Variants in PCDH15 observed in about 807,000 individuals in gnomAD.
PCDH15 encodes protocadherin related 15, also known as protocadherin-15.
A neutral mutation model predicts 178.5 loss-of-function variants in PCDH15; 129 were observed. The ratio of observed to expected loss-of-function variants is 0.72; its 90% CI spans 0.63 to 0.84. PCDH15 has a LOEUF of 0.84. Ranked by LOEUF, PCDH15 falls within the 40% of genes least tolerant of loss-of-function variation. The pLI is 0.00. For missense variants in PCDH15, 2,230 were observed against 2,099.9 expected, an observed-to-expected ratio of 1.06 and a Z score of -1.21; for synonymous variants, 800 against 732.0, an observed-to-expected ratio of 1.09 and a Z score of -1.50.
At chr10:55,408,816 T>A (rs1263738576) in intron 2 of PCDH15, among the ~76,000 whole-genome samples, 3 of 152,100 alleles carry the variant, frequency 2.0e-5, no homozygotes, top group African/African-American at 7.2e-5. Flanking sequence ...ATCACTTCAC[T>A]AAAGCTCATC....
At chr10:53,960,840 T>C (rs1227199914) in intron 22 of PCDH15, among the ~76,000 whole-genome samples, 4 of 152,204 alleles carry the variant, frequency 2.6e-5, no homozygotes, top group Admixed American at 2.6e-4. Flanking sequence ...ATTTCCCTAC[T>C]GTAGAGTCAA....
chr10:54,618,451 T>C (rs1288559375), intron 2 of PCDH15, among the ~76,000 whole-genome samples: 1 of 152,136 alleles, frequency 6.6e-6, no homozygotes, highest in Non-Finnish European at 1.5e-5. Flanking sequence ...TACATGATTA[T>C]GAAGCTGTGT....
intron 2 of PCDH15, among the ~76,000 whole-genome samples, chr10:55,019,090 T>C (rs1840259972): frequency 6.6e-6 from 1 of 152,128 alleles, no homozygotes; most frequent in South Asian, 2.1e-4. Flanking sequence ...ATGCTCTAAA[T>C]CTTTTTTTAT....
At chr10:54,898,028 G>A (rs996082711) in intron 2 of PCDH15, among the ~76,000 whole-genome samples, 17 of 152,112 alleles carry the variant, frequency 1.1e-4, no homozygotes, top group African/African-American at 4.1e-4. Flanking sequence ...GGGCCTGATG[G>A]GAGGTATTTG....
At chr10:55,537,419 G>T (rs936114074) in intron 2 of PCDH15, among the ~76,000 whole-genome samples, 2 of 139,544 alleles carry the variant, frequency 1.4e-5, no homozygotes, top group African/African-American at 5.0e-5. Context: ...ATTTATGTAT[G>T]TATGTATGTA....
chr10:54,485,059 A>G (rs985892711), intron 3 of PCDH15, among the ~76,000 whole-genome samples: 69 of 152,022 alleles, frequency 4.5e-4, no homozygotes, highest in African/African-American at 1.6e-3. Flanking sequence ...AAGCAACTAC[A>G]TAAGGCTGAA....
At chr10:54,318,909 G>T (rs775752937) in intron 7 of PCDH15, among the ~76,000 whole-genome samples, 2 of 152,036 alleles carry the variant, frequency 1.3e-5, no homozygotes, top group Non-Finnish European at 2.9e-5. Context: ...CCTCTTTCTT[G>T]TTTCCCTTTC....
chr10:54,522,009 A>G (rs1409508245), intron 3 of PCDH15, among the ~76,000 whole-genome samples: 2 of 147,946 alleles, frequency 1.4e-5, no homozygotes, highest in Non-Finnish European at 3.0e-5. Context: ...AATGGCGTGA[A>G]CCTGGGAGGC....
Position 53,827,381 on chromosome 10 carries a change from C to T in PCDH15, c.4367+12G>A, listed in dbSNP as rs777826097. 8 of 1,600,168 alleles carry T rather than the reference C, an allele frequency of 5.0e-6. No individual in the cohort carries two copies. Among genetic ancestry groups the T allele is most frequent in the African/African-American group, 1.3e-5 (1 of 74,494 alleles). Reference sequence around the variant, plus strand: ...CCAACTACTTCTCAGAGTTCCTGAACGGTCTACTTACATTGAGCTGTCTCC... The same window carrying T: ...CCAACTACTTCTCAGAGTTCCTGAATGGTCTACTTACATTGAGCTGTCTCC... On this transcript the variant is annotated intron_variant, in intron 32 of 37. Coordinates refer to ENST00000644397, the MANE Select transcript of PCDH15 (RefSeq NM_001384140.1).
chr10:55,056,365 C>A (rs1841303339), intron 2 of PCDH15, among the ~76,000 whole-genome samples: 1 of 152,068 alleles, frequency 6.6e-6, no homozygotes, highest in African/African-American at 2.4e-5. Context: ...TCCAGCCAAA[C>A]AAGTCTTTTT....
intron 13 of PCDH15, among the ~76,000 whole-genome samples, chr10:54,154,712 C>T (rs1253216198): frequency 6.6e-6 from 1 of 152,056 alleles, no homozygotes; most frequent in East Asian, 1.9e-4. Context: ...TGTCCATAGA[C>T]ATAGCAGCAA....
rs1452128863 is a variant in PCDH15 at position 54,855,287 on chromosome 10, C to G, written c.-29+42163G>C. On this transcript the variant is annotated intron_variant, in intron 3 of 5. Coordinates refer to the PCDH15 transcript ENST00000458638. ...AGGTCTGCAGCTATGATGTGGGTAT[C>G]TGCAGCTGCATCCAGGAGGATGGGA... 2.0e-5 allele frequency among the ~76,000 whole-genome samples: 3 copies of G among 152,302 alleles called. No homozygotes were observed. The East Asian group carries it at 5.8e-4, about 30-fold the overall frequency.
chr10:54,358,589 G>C (rs568934350), intron 5 of PCDH15, among the ~76,000 whole-genome samples: 2 of 151,286 alleles, frequency 1.3e-5, no homozygotes, highest in East Asian at 3.9e-4. Flanking sequence ...CAACCATTGT[G>C]GAAGTCAGTG....
intron 3 of PCDH15, among the ~76,000 whole-genome samples, chr10:54,402,813 T>A (rs1307032898): frequency 6.6e-6 from 1 of 151,940 alleles, no homozygotes; most frequent in South Asian, 2.1e-4. Flanking sequence ...TCTTTCTCCA[T>A]CTCTTCAGGC....
At chr10:54,246,780 A>G (rs2055980077) in intron 8 of PCDH15, among the ~76,000 whole-genome samples, 2 of 151,978 alleles carry the variant, frequency 1.3e-5, no homozygotes, top group East Asian at 1.9e-4. Context: ...TTTACATTCT[A>G]TCACAGAGTA....
At chr10:54,183,173 G>C (rs113849089) in intron 13 of PCDH15, among the ~76,000 whole-genome samples, 20 of 152,218 alleles carry the variant, frequency 1.3e-4, no homozygotes, top group Non-Finnish European at 8.8e-5. Flanking sequence ...TAGAGACAGC[G>C]TTGGTCAGGC....
chr10:55,068,084 T>A (rs900896336), intron 2 of PCDH15, among the ~76,000 whole-genome samples: 1 of 152,134 alleles, frequency 6.6e-6, no homozygotes, highest in Non-Finnish European at 1.5e-5. Flanking sequence ...CTTTTTACTG[T>A]AATGTAGTGC....
At chr10:54,935,225 TATA>T (rs950771876) in intron 2 of PCDH15, among the ~76,000 whole-genome samples, 7 of 151,974 alleles carry the variant, frequency 4.6e-5, no homozygotes, top group East Asian at 1.9e-4. Flanking sequence ...AAACTTAAAG[TATA>T]ATAATAATAA....
chr10:53,990,265 A>G (rs1434270482), intron 21 of PCDH15, among the ~76,000 whole-genome samples: 1 of 152,072 alleles, frequency 6.6e-6, no homozygotes, highest in Non-Finnish European at 1.5e-5. Context: ...AAACGCTACA[A>G]TAGTTCTCAA....
Sources: gnomAD v4.1 joint callset for allele counts (sites outside exome capture counted in the v4.1 genomes callset) on GRCh38, gnomAD v4.1.1 for gene constraint, MANE v1.5 for transcripts, NCBI Gene and HGNC (gene_info 2026-07-23, HGNC 2026-07-21) for gene names.